Variants in DLEU7 observed in about 807,000 individuals in gnomAD.
The protein encoded by DLEU7 is leukemia-associated protein 7.
DLEU7 carries 17 observed loss-of-function variants against 16.0 expected under a neutral mutation model. That is an observed-to-expected ratio of 1.06 (90% CI 0.73 to 1.59). The LOEUF is 1.59. DLEU7 is among the 40% of genes most tolerant of loss of function. The pLI is 0.00. For missense variants in DLEU7, 308 were observed against 314.9 expected (o/e 0.98, Z 0.17); for synonymous variants, 113 against 139.8 (o/e 0.81, Z 1.35).
intron 1 of DLEU7, among the ~76,000 whole-genome samples, chr13:50,752,390 C>T (rs998536240): frequency 2.0e-5 from 3 of 151,584 alleles, no homozygotes; most frequent in African/African-American, 7.3e-5. Flanking sequence ...GGGCTATGAA[C>T]TTTCCACTTA....
rs566121099 is a variant in DLEU7 at position 50,828,878 on chromosome 13, G to A, written c.460-5358C>T. Among the ~76,000 whole-genome samples, 7 of 152,214 alleles carry A rather than the reference G, an allele frequency of 4.6e-5. No homozygotes were observed. In the South Asian group the frequency reaches 6.2e-4, roughly 14 times the overall value. ...AGAACCATACCATGCTCAAGGATTC[G>A]CAAGCTACCATACTTTTTGTTCTTT... is the stretch of plus-strand genomic sequence containing the variant. On this transcript the variant is annotated intron_variant, in intron 1 of 1. Coordinates refer to ENST00000504404, the MANE Select transcript of DLEU7 (RefSeq NM_001306135.2).
At chr13:50,812,089 A>AAG (rs5803536) in intron 1 of DLEU7, among the ~76,000 whole-genome samples, 1 of 150,518 alleles carries the variant, frequency 6.6e-6, no homozygotes, top group Non-Finnish European at 1.5e-5. Context: ...AAAAAAAAAA[A>AAG]TCTGTAAGAT....
At position 50,807,401 on chromosome 13, in the gene DLEU7, C is replaced by T. The variant is rs1876424315; in HGVS notation, c.459+35787G>A. On this transcript the variant is annotated intron_variant, in intron 1 of 1. Transcript: ENST00000400393. ...TTTAAAAGATGGTATTTGACATCTC[C>T]CCTCCCTCCTCCTGCTTCTCTCAAG... Among the ~76,000 whole-genome samples the T allele has an allele frequency of 2.0e-5, 3 of 151,966 alleles. No individual in the cohort carries two copies. The South Asian group carries it at 6.2e-4, about 32-fold the overall frequency.
chr13:50,817,452 A>C (rs139171233), intron 1 of DLEU7, among the ~76,000 whole-genome samples: 246 of 152,252 alleles, frequency 1.6e-3, no homozygotes, highest in African/African-American at 5.4e-3. Flanking sequence ...GGACTGTGGT[A>C]ATTTCTTGGC....
intron 1 of DLEU7, among the ~76,000 whole-genome samples, chr13:50,774,013 C>T (rs1031016978): frequency 3.3e-5 from 5 of 152,160 alleles, no homozygotes; most frequent in Non-Finnish European, 5.9e-5. Flanking sequence ...CCCCGCAGTT[C>T]GATCTGGGAC....
chr13:50,783,406 C>CCTGGTT (rs1875710178), intron 1 of DLEU7, among the ~76,000 whole-genome samples: 1 of 152,204 alleles, frequency 6.6e-6, no homozygotes, highest in African/African-American at 2.4e-5. Flanking sequence ...CGTCATCTTA[C>CCTGGTT]ACATAATCTT....
At chr13:50,792,570 C>T (rs1875988127) in intron 1 of DLEU7, among the ~76,000 whole-genome samples, 1 of 152,140 alleles carries the variant, frequency 6.6e-6, no homozygotes, top group African/African-American at 2.4e-5. Context: ...GTTTTTCCTT[C>T]TACTATCTCT....
At chr13:50,754,657 T>C (rs1021071731) in intron 1 of DLEU7, among the ~76,000 whole-genome samples, 1 of 152,246 alleles carries the variant, frequency 6.6e-6, no homozygotes, top group Admixed American at 6.5e-5. Context: ...GTGGAGCATT[T>C]AAGCCATTAA....
rs58395582 is a variant in DLEU7 at position 50,732,606 on chromosome 13, C to CAAAAAAAAAAAAAAA, written c.460-19381_460-19367dup. ...CAGGCAACAGTATGAGACTCCATCTCAAAAAAAAAAAAAAAAAAAAGCTTA... is the reference window on the plus strand; with the variant it reads ...CAGGCAACAGTATGAGACTCCATCTCAAAAAAAAAAAAAAAAAAAAAAAAAAAAAAAAAAAGCTTA... On this transcript the variant is annotated intron_variant, in intron 1 of 1. Transcript: ENST00000400393. Among the ~76,000 whole-genome samples, 30 of 65,936 alleles carry CAAAAAAAAAAAAAAA rather than the reference C, an allele frequency of 4.5e-4. 3 individuals carry two copies. Among genetic ancestry groups the CAAAAAAAAAAAAAAA allele is most frequent in the African/African-American group, 5.7e-4 (8 of 14,080 alleles). 43.3% of individuals were successfully genotyped at this position (65,936 alleles called of 152,430 possible).
chr13:50,737,667 C>T (rs775562824), intron 1 of DLEU7, among the ~76,000 whole-genome samples: 3 of 152,040 alleles, frequency 2.0e-5, no homozygotes, highest in Non-Finnish European at 2.9e-5. Flanking sequence ...GTGCGTGTTC[C>T]GACTGCCACA....
intron 1 of DLEU7, among the ~76,000 whole-genome samples, chr13:50,817,339 C>T (rs2137796685): frequency 6.6e-6 from 1 of 152,224 alleles, no homozygotes; most frequent in East Asian, 1.9e-4. Context: ...TTGAGCAAAG[C>T]AGTAAACATG....
At chr13:50,771,346 T>C (rs1875303019) in intron 1 of DLEU7, among the ~76,000 whole-genome samples, 1 of 152,182 alleles carries the variant, frequency 6.6e-6, no homozygotes, top group Non-Finnish European at 1.5e-5. Context: ...AGTACTTTAA[T>C]TGTGATGTTA....
In DLEU7 at chr13:50,716,708, G is replaced by A. The variant is rs191009210; in HGVS notation, c.460-3468C>T. ...GAGAATCAAATGACATAATGGTCATGAAAATATATTTCTAAGTTGTAATCT... is the reference window on the plus strand; with the variant it reads ...GAGAATCAAATGACATAATGGTCATAAAAATATATTTCTAAGTTGTAATCT... On this transcript the variant is annotated intron_variant, in intron 1 of 1. Transcript: ENST00000400393. Among the ~76,000 whole-genome samples the A allele has an allele frequency of 2.3e-3, 351 of 152,368 alleles. 2 individuals carry two copies. The highest frequency in any genetic ancestry group is 8.0e-3 in the African/African-American group (333 of 41,590).
chr13:50,793,917 T>C (rs1057367239), intron 1 of DLEU7, among the ~76,000 whole-genome samples: 1 of 152,200 alleles, frequency 6.6e-6, no homozygotes, highest in African/African-American at 2.4e-5. Context: ...TAGTTATAAA[T>C]TCTTTGCCAA....
chr13:50,767,324 C>T (rs1441730928), intron 1 of DLEU7, among the ~76,000 whole-genome samples: 10 of 151,976 alleles, frequency 6.6e-5, no homozygotes, highest in Non-Finnish European at 1.5e-4. Context: ...GGCGTGGTGG[C>T]GGGCGCCTGT....
chr13:50,762,857 C>G (rs1874980323), intron 1 of DLEU7, among the ~76,000 whole-genome samples: 1 of 150,542 alleles, frequency 6.6e-6, no homozygotes, highest in Non-Finnish European at 1.5e-5. Context: ...AGTCCCCCTG[C>G]ATCCAGGAAA....
At chr13:50,842,308 C>T (rs1289355839) in intron 1 of DLEU7, among the ~76,000 whole-genome samples, 1 of 152,178 alleles carries the variant, frequency 6.6e-6, no homozygotes, top group East Asian at 1.9e-4. Context: ...ATCACCCCTC[C>T]CCAACTCCTT....
At chr13:50,758,538 G>C (rs1187181008) in intron 1 of DLEU7, among the ~76,000 whole-genome samples, 1 of 152,208 alleles carries the variant, frequency 6.6e-6, no homozygotes, top group Non-Finnish European at 1.5e-5. Flanking sequence ...TCATGAAGCT[G>C]CAGTTAAGCA....
Position 50,827,229 on chromosome 13 carries a change from G to A in DLEU7, c.460-3709C>T, listed in dbSNP as rs1328555791. Among the ~76,000 whole-genome samples, 2 of 152,198 alleles carry A rather than the reference G, an allele frequency of 1.3e-5. 1 individual carries two copies. Among genetic ancestry groups the A allele is most frequent in the Non-Finnish European group, 2.9e-5 (2 of 68,048 alleles). On this transcript the variant is annotated intron_variant, in intron 1 of 1. Coordinates refer to ENST00000504404, the MANE Select transcript of DLEU7 (RefSeq NM_001306135.2). ...GCTGAACAGCAGTGACATGTCGAAT[G>A]GAGTGGCACTCTAAGCACTGTATTA...
Sources: gnomAD v4.1 joint callset for allele counts (sites outside exome capture counted in the v4.1 genomes callset) on GRCh38, gnomAD v4.1.1 for gene constraint, MANE v1.5 for transcripts, NCBI Gene and HGNC (gene_info 2026-07-23, HGNC 2026-07-21) for gene names.